Variants in PI4K2B observed in about 807,000 individuals in gnomAD.
PI4K2B encodes phosphatidylinositol 4-kinase type 2 beta.
Under a neutral mutation model 56.6 loss-of-function variants are expected in PI4K2B, and 46 were observed. The observed-to-expected ratio is 0.81, with a 90% confidence interval of 0.64 to 1.04. The LOEUF (loss-of-function observed/expected upper bound fraction) is 1.04. Among genes scored for constraint, PI4K2B ranks in the 50% least tolerant of loss-of-function variants. The probability of loss-of-function intolerance (pLI) is 0.00; values close to 1 mark genes in which losing one functional copy is unlikely to be tolerated. For synonymous variants in PI4K2B, 211 were observed against 223.8 expected (o/e 0.94, Z 0.51); for missense variants, 556 against 607.7 (o/e 0.91, Z 0.89).
intron 1 of PI4K2B, among the ~76,000 whole-genome samples, chr4:25,245,866 G>A (rs1241144418): frequency 2.6e-5 from 4 of 151,798 alleles, no homozygotes; most frequent in African/African-American, 4.8e-5. Flanking sequence ...ACTGCTTGGC[G>A]AGTCTCACTG....
chr4:25,244,248 CT>C (rs1454401123), intron 1 of PI4K2B, among the ~76,000 whole-genome samples: 1 of 152,034 alleles, frequency 6.6e-6, no homozygotes, highest in East Asian at 1.9e-4. Context: ...GTTTGTGGTC[CT>C]TTGGAGATTT....
At chr4:25,264,632 G>T (rs1217118726) in intron 7 of PI4K2B, among the ~76,000 whole-genome samples, 1 of 151,904 alleles carries the variant, frequency 6.6e-6, no homozygotes, top group Non-Finnish European at 1.5e-5. Flanking sequence ...AGCACTTTGG[G>T]GGCTGAGGCT....
At chr4:25,242,034 A>G (rs889109238) in intron 1 of PI4K2B, among the ~76,000 whole-genome samples, 9 of 152,316 alleles carry the variant, frequency 5.9e-5, no homozygotes, top group African/African-American at 2.2e-4. Context: ...CGGTAATTCC[A>G]AGGAACCCAC....
In PI4K2B at chr4:25,256,691, AG is replaced by A; in HGVS notation, c.756+18del. The A allele has an allele frequency of 6.2e-7, 1 of 1,611,264 alleles. No homozygotes were observed. The highest frequency in any genetic ancestry group is 1.7e-4 in the Middle Eastern group (1 of 6,042). On this transcript the variant is annotated intron_variant, in intron 4 of 9. Transcript: ENST00000264864. Reference sequence around the variant, plus strand: ...CCTCCTAAGGTAAGTTTCTCTGATAAGCTGTATTTAGAGGGCATTTGGGCAC... The same window carrying A: ...CCTCCTAAGGTAAGTTTCTCTGATAACTGTATTTAGAGGGCATTTGGGCAC...
At chr4:25,267,092 T>A (rs980173954) in intron 7 of PI4K2B, among the ~76,000 whole-genome samples, 8 of 152,014 alleles carry the variant, frequency 5.3e-5, no homozygotes, top group African/African-American at 1.7e-4. Flanking sequence ...ATAAAGGAGA[T>A]GATAGAAAAC....
chr4:25,246,753 T>C (rs1715801881), intron 1 of PI4K2B, among the ~76,000 whole-genome samples: 1 of 151,988 alleles, frequency 6.6e-6, no homozygotes, highest in African/African-American at 2.4e-5. Context: ...CGGCTGCAGG[T>C]CCCGAGCCCT....
At position 25,239,418 on chromosome 4, in the gene PI4K2B, C is replaced by T. The variant is rs1046826251; in HGVS notation, c.268+4987C>T. Among the ~76,000 whole-genome samples, 14 of 125,264 alleles carry T rather than the reference C, an allele frequency of 1.1e-4. 2 individuals carry two copies. Among genetic ancestry groups the T allele is most frequent in the Admixed American group, 1.0e-3 (13 of 12,718 alleles). 82.2% of individuals were successfully genotyped at this position (125,264 alleles called of 152,430 possible). Reference sequence around the variant, plus strand: ...AGGCAGCTAAGGCCCAGTGAGAAAGCGAGCACGGTGCCGGCCCAGGGGGAC... The same window carrying T: ...AGGCAGCTAAGGCCCAGTGAGAAAGTGAGCACGGTGCCGGCCCAGGGGGAC... On this transcript the variant is annotated intron_variant, in intron 1 of 9. Transcript: ENST00000264864.
Position 25,263,729 on chromosome 4 carries a change from TATC to T in PI4K2B, c.979-18_979-16del, listed in dbSNP as rs1294513986. On this transcript the variant is annotated intron_variant, in intron 6 of 9. Coordinates refer to ENST00000264864, the MANE Select transcript of PI4K2B (RefSeq NM_018323.4). ...ATTTATATAGGTTCTTTTATCAACATATCATTTTTCTACTCTATAGGAATCAAA... is the reference window on the plus strand; with the variant it reads ...ATTTATATAGGTTCTTTTATCAACATATTTTTCTACTCTATAGGAATCAAA... 5.7e-6 allele frequency: 5 copies of T among 874,602 alleles called. No individual in the cohort carries two copies. Among genetic ancestry groups the T allele is most frequent in the Non-Finnish European group, 9.5e-6 (5 of 525,958 alleles). 54.2% of individuals were successfully genotyped at this position (874,602 alleles called of 1,614,324 possible).
At chr4:25,234,651 T>C (rs1715169551) in intron 1 of PI4K2B, among the ~76,000 whole-genome samples, 1 of 152,234 alleles carries the variant, frequency 6.6e-6, no homozygotes, top group African/African-American at 2.4e-5. Flanking sequence ...AGGCCAGTGG[T>C]TGTCATTAAA....
intron 6 of PI4K2B, among the ~76,000 whole-genome samples, chr4:25,261,731 G>GTGTGAT (rs72366528): frequency 6.6e-6 from 1 of 152,028 alleles, no homozygotes; most frequent in Non-Finnish European, 1.5e-5. Flanking sequence ...GGAACATATT[G>GTGTGAT]TATATTTATA....
chr4:25,257,958 G>A (rs1716315166), intron 4 of PI4K2B, among the ~76,000 whole-genome samples: 2 of 152,056 alleles, frequency 1.3e-5, no homozygotes, highest in Admixed American at 1.3e-4. Flanking sequence ...TTTTCTTTGT[G>A]GTGATTTGTT....
At chr4:25,245,620 A>G (rs1427730330) in intron 1 of PI4K2B, among the ~76,000 whole-genome samples, 2 of 152,196 alleles carry the variant, frequency 1.3e-5, no homozygotes, top group Non-Finnish European at 2.9e-5. Flanking sequence ...CCGTGTCTTT[A>G]GTCCAGTGGC....
intron 3 of PI4K2B, among the ~76,000 whole-genome samples, chr4:25,256,009 G>C (rs540474883): frequency 6.6e-6 from 1 of 151,942 alleles, no homozygotes; most frequent in South Asian, 2.1e-4. Flanking sequence ...GCCTTGTCCT[G>C]CTGGGCTCAG....
At chr4:25,255,309 C>A (rs746532604) in intron 3 of PI4K2B, 44 bp downstream of exon 3, 2 of 1,455,194 alleles carry the variant, frequency 1.4e-6, no homozygotes, top group African/African-American at 1.4e-5. Flanking sequence ...TAATTTACAA[C>A]CTGCTTATAT....
At chr4:25,243,503 C>T (rs1201812705) in intron 1 of PI4K2B, among the ~76,000 whole-genome samples, 2 of 152,014 alleles carry the variant, frequency 1.3e-5, no homozygotes, top group Non-Finnish European at 2.9e-5. Flanking sequence ...TCTTGCTTTT[C>T]CTTTTGGGCC....
intron 1 of PI4K2B, among the ~76,000 whole-genome samples, chr4:25,245,953 C>A (rs1285989316): frequency 1.3e-5 from 2 of 152,136 alleles, no homozygotes; most frequent in African/African-American, 2.4e-5. Context: ...TCACTGACTT[C>A]AAGAATGAAG....
At position 25,278,083 on chromosome 4, in the gene PI4K2B, A is replaced by G. The variant is rs1379444397; in HGVS notation, c.*896A>G. The G allele has an allele frequency of 6.6e-6, 1 of 152,194 alleles. No individual in the cohort carries two copies. The highest frequency in any genetic ancestry group is 1.5e-5 in the Non-Finnish European group (1 of 68,008). 9.4% of individuals were successfully genotyped at this position (152,194 alleles called of 1,614,324 possible). ...GGATTGCATTTTGGGGTCCTAGGTC[A>G]TACGTTCTTCAAAATTATTATGATT... On this transcript the variant is annotated 3_prime_UTR_variant, in exon 10 of 10. Transcript: ENST00000264864.
At chr4:25,238,524 G>T (rs181350865) in intron 1 of PI4K2B, among the ~76,000 whole-genome samples, 1 of 152,298 alleles carries the variant, frequency 6.6e-6, no homozygotes, top group East Asian at 1.9e-4. Context: ...TAAAGGCGGT[G>T]TGTTCGGAGT....
intron 4 of PI4K2B, among the ~76,000 whole-genome samples, chr4:25,257,244 T>C (rs1334798876): frequency 6.6e-6 from 1 of 151,596 alleles, no homozygotes; most frequent in Non-Finnish European, 1.5e-5. Context: ...ATTTTTTTTG[T>C]AGAGATAGAG....
Sources: gnomAD v4.1 joint callset for allele counts (sites outside exome capture counted in the v4.1 genomes callset) on GRCh38, gnomAD v4.1.1 for gene constraint, MANE v1.5 for transcripts, NCBI Gene and HGNC (gene_info 2026-07-23, HGNC 2026-07-21) for gene names.